The following ASCC3 variants were observed in gnomAD, a reference collection of about 807,000 sequenced individuals.
ASCC3 encodes activating signal cointegrator 1 complex subunit 3, also known as ASC-1 complex subunit P200.
In ASCC3, 158 loss-of-function variants were observed where a neutral mutation model predicts 256.3. That is an observed-to-expected ratio of 0.62 (90% CI 0.54 to 0.70). The LOEUF (loss-of-function observed/expected upper bound fraction) is 0.70. Ranked by LOEUF, ASCC3 falls within the 30% of genes least tolerant of loss-of-function variation. The pLI, the probability that ASCC3 is intolerant of heterozygous loss-of-function variation, is 0.00. For missense variants in ASCC3, 2,259 were observed against 2,626.0 expected (o/e 0.86, Z 3.05); for synonymous variants, 948 against 883.4 (o/e 1.07, Z -1.30).
intron 3 of ASCC3, among the ~76,000 whole-genome samples, chr6:100,849,602 TAAG>T (rs553797310): frequency 3.5e-4 from 53 of 152,210 alleles, no homozygotes; most frequent in African/African-American, 1.3e-3. Flanking sequence ...GAAGTAAATA[TAAG>T]AAGAATCAGC....
chr6:100,779,678 G>A (rs1307688455), intron 8 of ASCC3, among the ~76,000 whole-genome samples: 1 of 152,132 alleles, frequency 6.6e-6, no homozygotes, highest in Non-Finnish European at 1.5e-5. Context: ...AGAAAGCTCA[G>A]GACTTCAATT....
At chr6:100,660,781 C>G (rs919649563) in intron 16 of ASCC3, among the ~76,000 whole-genome samples, 3 of 151,580 alleles carry the variant, frequency 2.0e-5, no homozygotes, top group African/African-American at 7.3e-5. Flanking sequence ...ATTCATGAAC[C>G]AAGACTTTCC....
At chr6:100,669,672 G>T (rs1776644598) in intron 14 of ASCC3, among the ~76,000 whole-genome samples, 2 of 151,664 alleles carry the variant, frequency 1.3e-5, no homozygotes, top group Admixed American at 1.3e-4. Context: ...AATCCAATCA[G>T]TTATTGAGAA....
intron 8 of ASCC3, among the ~76,000 whole-genome samples, chr6:100,797,500 T>G (rs1769688011): frequency 6.8e-6 from 1 of 146,986 alleles, no homozygotes; most frequent in Non-Finnish European, 1.5e-5. Context: ...AAACTTAAAA[T>G]TAAATATTTA....
intron 8 of ASCC3, among the ~76,000 whole-genome samples, chr6:100,787,132 C>T (rs2114284981): frequency 6.6e-6 from 1 of 152,098 alleles, no homozygotes; most frequent in Admixed American, 6.6e-5. Context: ...TTGTTTCTAG[C>T]CAACAGAAGA....
intron 16 of ASCC3, among the ~76,000 whole-genome samples, chr6:100,657,388 A>G (rs1775968067): frequency 6.6e-6 from 1 of 151,484 alleles, no homozygotes; most frequent in Admixed American, 6.6e-5. Flanking sequence ...CAACTAAAAC[A>G]GTTAAACATT....
intron 36 of ASCC3, among the ~76,000 whole-genome samples, chr6:100,585,770 C>T (rs1771626059): frequency 6.6e-6 from 1 of 152,124 alleles, no homozygotes; most frequent in African/African-American, 2.4e-5. Flanking sequence ...TATGGATGTC[C>T]TTTCTGTTTG....
chr6:100,723,230 A>G (rs1157725746), intron 11 of ASCC3, among the ~76,000 whole-genome samples: 2 of 151,750 alleles, frequency 1.3e-5, no homozygotes, highest in Non-Finnish European at 3.0e-5. Context: ...GAAACCTATT[A>G]AATATAAATA....
chr6:100,601,003 C>T (rs1772580071), intron 34 of ASCC3, among the ~76,000 whole-genome samples: 1 of 152,090 alleles, frequency 6.6e-6, no homozygotes. Flanking sequence ...TCTCCCTTCT[C>T]CTTAGGTTCT....
intron 36 of ASCC3, among the ~76,000 whole-genome samples, chr6:100,576,990 G>A (rs886549993): frequency 6.6e-6 from 1 of 150,584 alleles, no homozygotes; most frequent in African/African-American, 2.4e-5. Flanking sequence ...ATAATCAACA[G>A]GAATTAGTAT....
chr6:100,706,826 T>C (rs1778610639), intron 13 of ASCC3, among the ~76,000 whole-genome samples: 1 of 152,114 alleles, frequency 6.6e-6, no homozygotes, highest in South Asian at 2.1e-4. Context: ...AAACATATAA[T>C]GTAGGTACTT....
chr6:100,813,709 G>C (rs1239382802), intron 4 of ASCC3, among the ~76,000 whole-genome samples: 1 of 151,892 alleles, frequency 6.6e-6, no homozygotes, highest in Non-Finnish European at 1.5e-5. Flanking sequence ...ACAGAATGGA[G>C]AGATGAAAGA....
At chr6:100,510,267 G>A in intron 40 of ASCC3, 160 bp from the exon 41 acceptor site, 1 of 734,296 alleles carries the variant, frequency 1.4e-6, no homozygotes, top group East Asian at 2.6e-5. Flanking sequence ...CTGGTTTGGT[G>A]TCTTTGATAT....
chr6:100,848,932 C>A lies in ASCC3; in HGVS notation c.242-225G>T, dbSNP rs932367285. 3.3e-5 allele frequency among the ~76,000 whole-genome samples: 5 copies of A among 152,020 alleles called. No homozygotes were observed. The East Asian group carries it at 7.7e-4, about 24-fold the overall frequency. ...ACCAGCCTGGGCAATATGGTGAGAACCATCTCTACAAAAATTTTTAAAAAT... is the reference window on the plus strand; with the variant it reads ...ACCAGCCTGGGCAATATGGTGAGAAACATCTCTACAAAAATTTTTAAAAAT... On this transcript the variant is annotated intron_variant, in intron 3 of 41. Coordinates refer to ENST00000369162, the MANE Select transcript of ASCC3 (RefSeq NM_006828.4).
At chr6:100,671,813 T>C (rs974316513) in intron 14 of ASCC3, among the ~76,000 whole-genome samples, 19 of 152,000 alleles carry the variant, frequency 1.3e-4, no homozygotes, top group African/African-American at 4.3e-4. Context: ...TTTCCCAACA[T>C]TTACTTCTAA....
At chr6:100,700,420 G>A (rs1430064995) in intron 13 of ASCC3, among the ~76,000 whole-genome samples, 1 of 152,152 alleles carries the variant, frequency 6.6e-6, no homozygotes, top group Non-Finnish European at 1.5e-5. Context: ...CTTTGCTAGG[G>A]TGGGAGCCTC....
At chr6:100,581,730 G>A (rs1488225737) in intron 36 of ASCC3, among the ~76,000 whole-genome samples, 1 of 152,080 alleles carries the variant, frequency 6.6e-6, no homozygotes, top group Non-Finnish European at 1.5e-5. Flanking sequence ...TAACGTTTAA[G>A]TCTTTAATCC....
intron 8 of ASCC3, among the ~76,000 whole-genome samples, chr6:100,798,028 A>G (rs1451512482): frequency 6.6e-6 from 1 of 152,144 alleles, no homozygotes; most frequent in Non-Finnish European, 1.5e-5. Context: ...GGCTGTGAGT[A>G]TTCTTTATGA....
At chr6:100,811,241 ATAT>A (rs1770454225) in intron 4 of ASCC3, among the ~76,000 whole-genome samples, 1 of 152,172 alleles carries the variant, frequency 6.6e-6, no homozygotes, top group Admixed American at 6.6e-5. Context: ...AAAATAACAT[ATAT>A]TAATTTTTAT....
Sources: gnomAD v4.1 joint callset for allele counts (sites outside exome capture counted in the v4.1 genomes callset) on GRCh38, gnomAD v4.1.1 for gene constraint, MANE v1.5 for transcripts, NCBI Gene and HGNC (gene_info 2026-07-23, HGNC 2026-07-21) for gene names.